Variants in ZBTB38 observed in about 807,000 individuals in gnomAD.
The protein encoded by ZBTB38 is zinc finger and BTB domain containing 38.
Under a neutral mutation model 76.8 loss-of-function variants are expected in ZBTB38, and 20 were observed. The ratio of observed to expected loss-of-function variants is 0.26; its 90% CI spans 0.18 to 0.38. The LOEUF is 0.38. ZBTB38 is among the 10% of genes least tolerant of loss of function. The pLI, the probability that ZBTB38 is intolerant of heterozygous loss-of-function variation, is 1.00. For synonymous variants in ZBTB38, 504 were observed against 544.2 expected (o/e 0.93, Z 1.03); for missense variants, 1,082 against 1,482.3 (o/e 0.73, Z 4.43).
At chr3:141,334,402 TTCTTTCC>T (rs1236018150) in intron 1 of ZBTB38, among the ~76,000 whole-genome samples, 2 of 124,212 alleles carry the variant, frequency 1.6e-5, no homozygotes, top group East Asian at 2.1e-4. Context: ...CCTTCCTTCC[TTCTTTCC>T]TTCCTTCCTT....
chr3:141,411,521 G>A (rs1402038287), intron 5 of ZBTB38, among the ~76,000 whole-genome samples: 1 of 152,156 alleles, frequency 6.6e-6, no homozygotes, highest in Non-Finnish European at 1.5e-5. Flanking sequence ...CCCTTCCCTT[G>A]AATTAATGCA....
At chr3:141,362,174 G>A (rs548213776) in intron 1 of ZBTB38, among the ~76,000 whole-genome samples, 1 of 152,044 alleles carries the variant, frequency 6.6e-6, no homozygotes, top group South Asian at 2.1e-4. Context: ...GGTCTAGGGA[G>A]GAAACAGATG....
At chr3:141,335,605 G>T (rs1942992407) in intron 1 of ZBTB38, among the ~76,000 whole-genome samples, 1 of 152,234 alleles carries the variant, frequency 6.6e-6, no homozygotes, top group Non-Finnish European at 1.5e-5. Flanking sequence ...ACAGGAACAG[G>T]CACAGGCCTT....
Position 141,445,413 on chromosome 3 carries a change from C to A in ZBTB38, c.3025C>A (p.Pro1009Thr). ...GCCCCACCGACATCTTACTTCTCGG[C>A]CATATGCCTGCGAGCTCTGCGCCAA... is the stretch of plus-strand genomic sequence containing the variant. The part of the protein sequence containing the change: ...GRPHRHLTSR[P>T]YACELCAKQF... The change falls in exon 6 of 6, where the codon CCA becomes ACA. Residue 1009 changes from proline (P) to threonine (T), a missense_variant. Pro to Thr is a conservative substitution (Grantham distance 38). Transcript: ENST00000321464. This position sits in a 1 kb window ranked among gnomAD's most constrained non-coding sequence, Gnocchi z 6.5. The A allele has an allele frequency of 6.2e-7, 1 of 1,614,170 alleles. No individual in the cohort carries two copies. The highest frequency in any genetic ancestry group is 8.5e-7 in the Non-Finnish European group (1 of 1,180,022).
At chr3:141,375,501 C>T (rs1945240106) in intron 2 of ZBTB38, among the ~76,000 whole-genome samples, 9 of 152,242 alleles carry the variant, frequency 5.9e-5, no homozygotes, top group Admixed American at 5.9e-4. Flanking sequence ...ACGTGCCCAT[C>T]TTGGTCACCT....
At chr3:141,370,688 C>A (rs1463752036) in intron 2 of ZBTB38, among the ~76,000 whole-genome samples, 1 of 152,238 alleles carries the variant, frequency 6.6e-6, no homozygotes, top group Non-Finnish European at 1.5e-5. Context: ...TGACCCTAAG[C>A]ATCATGTTGC....
intron 1 of ZBTB38, among the ~76,000 whole-genome samples, chr3:141,350,441 A>G (rs1474471883): frequency 1.3e-5 from 2 of 152,094 alleles, no homozygotes; most frequent in African/African-American, 4.8e-5. Context: ...TTTATCCCTC[A>G]AGTTTATTCA....
At chr3:141,368,239 CT>C (rs2148978096), upstream of ZBTB38, 1 of 152,420 alleles carries the variant, frequency 6.6e-6, no homozygotes, top group East Asian at 1.9e-4. Context: ...GGGTGATGTC[CT>C]TTGGGGAGGC....
At chr3:141,436,680 T>G (rs1262517698) in intron 5 of ZBTB38, among the ~76,000 whole-genome samples, 1 of 152,088 alleles carries the variant, frequency 6.6e-6, no homozygotes, top group Admixed American at 6.6e-5. Flanking sequence ...GTATTTTTAA[T>G]AGAGATAGAG....
At chr3:141,430,462 G>A (rs1454249978) in intron 5 of ZBTB38, among the ~76,000 whole-genome samples, 3 of 152,220 alleles carry the variant, frequency 2.0e-5, no homozygotes, top group Non-Finnish European at 4.4e-5. Flanking sequence ...GATGCAGTCA[G>A]TTCTCAAGCT....
At chr3:141,431,860 A>G (rs1354519998) in intron 5 of ZBTB38, 2 of 153,150 alleles carry the variant, frequency 1.3e-5, no homozygotes, top group East Asian at 1.9e-4. Flanking sequence ...TGATAGCTTA[A>G]GTGCAGTAAA....
intron 4 of ZBTB38, chr3:141,389,314 T>G (rs1033911522): frequency 4.6e-5 from 7 of 152,200 alleles, no homozygotes; most frequent in Non-Finnish European, 8.8e-5. Context: ...TGGTGGTGGT[T>G]GTTGTCATGT....
intron 2 of ZBTB38, among the ~76,000 whole-genome samples, chr3:141,380,632 G>A (rs1039644108): frequency 4.6e-5 from 7 of 152,154 alleles, no homozygotes; most frequent in Non-Finnish European, 7.4e-5. Context: ...CTAGTGCCCT[G>A]GAAGATACAA....
At chr3:141,390,575 T>G (rs1035354348) in intron 4 of ZBTB38, among the ~76,000 whole-genome samples, 1 of 152,170 alleles carries the variant, frequency 6.6e-6, no homozygotes, top group African/African-American at 2.4e-5. Context: ...TCTTCACTGT[T>G]ATGTGAGAAG....
At chr3:141,341,153 A>G (rs113459641) in intron 1 of ZBTB38, among the ~76,000 whole-genome samples, 252 of 152,332 alleles carry the variant, frequency 1.7e-3, no homozygotes, top group African/African-American at 4.6e-3. Context: ...GACAGACAGT[A>G]GCAAGTGCTG....
chr3:141,411,480 G>T (rs944853221), intron 5 of ZBTB38, among the ~76,000 whole-genome samples: 4 of 152,172 alleles, frequency 2.6e-5, no homozygotes, highest in African/African-American at 9.7e-5. Flanking sequence ...CGGTGCCTGT[G>T]GCTGAACCAT....
intron 1 of ZBTB38, among the ~76,000 whole-genome samples, chr3:141,352,180 G>T (rs1287378962): frequency 6.6e-6 from 1 of 152,102 alleles, no homozygotes; most frequent in Admixed American, 6.6e-5. Flanking sequence ...TATATCAAGT[G>T]ATAAAGAAAA....
intron 1 of ZBTB38, among the ~76,000 whole-genome samples, chr3:141,354,806 C>T (rs1299093753): frequency 6.6e-6 from 1 of 152,056 alleles, no homozygotes. Flanking sequence ...TGTTTAAGGA[C>T]TTGCAGTTCA....
intron 4 of ZBTB38, chr3:141,389,410 G>A (rs1039230384): frequency 2.8e-5 from 4 of 141,808 alleles, no homozygotes; most frequent in African/African-American, 7.9e-5. Context: ...TACTGATTTT[G>A]TTCTCCAGGC....
Sources: allele counts gnomAD v4.1 joint callset (sites outside exome capture counted in the v4.1 genomes callset), GRCh38; gene constraint gnomAD v4.1.1; non-coding constraint Gnocchi (gnomAD v3.1); transcripts MANE v1.5; gene names NCBI Gene and HGNC (gene_info 2026-07-23, HGNC 2026-07-21).